PPP1R12B: variants seen among roughly 807,000 people sequenced by gnomAD.
PPP1R12B encodes the protein myosin phosphatase target subunit 2.
In PPP1R12B, 76 loss-of-function variants were observed where a neutral mutation model predicts 126.1. The observed-to-expected ratio is 0.60, with a 90% CI of 0.50 to 0.73. The LOEUF (loss-of-function observed/expected upper bound fraction) is 0.73, where lower values mean the gene tolerates loss of function less well. PPP1R12B is among the 30% of genes least tolerant of loss of function. The probability of loss-of-function intolerance (pLI) is 0.00; values close to 1 mark genes in which losing one functional copy is unlikely to be tolerated. For synonymous variants in PPP1R12B, 356 were observed against 434.7 expected (o/e 0.82, Z 2.25); for missense variants, 1,052 against 1,205.1 (o/e 0.87, Z 1.88).
intron 13 of PPP1R12B, among the ~76,000 whole-genome samples, chr1:202,452,401 C>A (rs1331403176): frequency 6.6e-6 from 1 of 152,208 alleles, no homozygotes; most frequent in Admixed American, 6.5e-5. Flanking sequence ...AATACGAAAA[C>A]CAGTCAGGCG....
chr1:202,542,756 A>G (rs535418175), intron 18 of PPP1R12B, among the ~76,000 whole-genome samples: 1 of 152,292 alleles, frequency 6.6e-6, no homozygotes, highest in African/African-American at 2.4e-5. Context: ...GGGTCTTTGT[A>G]TTTCTCTAGA....
intron 18 of PPP1R12B, among the ~76,000 whole-genome samples, chr1:202,532,175 G>A (rs568065068): frequency 3.9e-5 from 6 of 152,124 alleles, no homozygotes; most frequent in African/African-American, 7.2e-5. Flanking sequence ...GTAAACTGTC[G>A]TGTCACTGGT....
intron 1 of PPP1R12B, among the ~76,000 whole-genome samples, chr1:202,389,089 A>T (rs1276525696): frequency 1.3e-5 from 2 of 152,162 alleles, no homozygotes; most frequent in East Asian, 3.8e-4. Flanking sequence ...ATACCCCCTA[A>T]CTCTCACCAT....
chr1:202,365,197 T>A (rs1369373009), intron 1 of PPP1R12B, among the ~76,000 whole-genome samples: 1 of 152,140 alleles, frequency 6.6e-6, no homozygotes, highest in African/African-American at 2.4e-5. Flanking sequence ...TGCTTGTAAT[T>A]CCAGCACCTT....
At chr1:202,555,114 C>G (rs1036243410) in intron 18 of PPP1R12B, among the ~76,000 whole-genome samples, 2 of 151,672 alleles carry the variant, frequency 1.3e-5, no homozygotes, top group Non-Finnish European at 2.9e-5. Flanking sequence ...TTATGTCAAC[C>G]TCCTCAGTGA....
intron 1 of PPP1R12B, among the ~76,000 whole-genome samples, chr1:202,378,247 CTTTTTTTTTT>C (rs386369339): frequency 2.1e-5 from 2 of 93,386 alleles, no homozygotes; most frequent in East Asian, 3.7e-4. Context: ...TGTCTTCATT[CTTTTTTTTTT>C]TTTTTTTTTT....
chr1:202,556,790 T>G (rs1435263739), intron 18 of PPP1R12B, among the ~76,000 whole-genome samples: 1 of 152,224 alleles, frequency 6.6e-6, no homozygotes, highest in Non-Finnish European at 1.5e-5. Context: ...CTGCACACAG[T>G]GGGCTGTTAA....
rs532628465 is a variant in PPP1R12B at position 202,359,145 on chromosome 1, AT to A, written c.291+10014del. 8.9e-3 allele frequency among the ~76,000 whole-genome samples: 1,328 copies of A among 148,518 alleles called. 17 individuals are homozygous for A. The highest frequency in any genetic ancestry group is 0.031 in the African/African-American group (1,244 of 40,612). ...TATAGCCAATCCTAGATATCACATA[AT>A]TTTTTTTTTTCTTTTGAGATGGAAT... On this transcript the variant is annotated intron_variant, in intron 1 of 23. Coordinates refer to ENST00000608999, the MANE Select transcript of PPP1R12B (RefSeq NM_002481.4).
At chr1:202,415,448 G>A (rs562749306) in intron 1 of PPP1R12B, among the ~76,000 whole-genome samples, 1 of 152,296 alleles carries the variant, frequency 6.6e-6, no homozygotes, top group East Asian at 1.9e-4. Context: ...TTTTAGCCTT[G>A]TTTTTTAAAG....
intron 18 of PPP1R12B, among the ~76,000 whole-genome samples, chr1:202,533,571 A>G (rs1032378724): frequency 6.6e-6 from 1 of 152,042 alleles, no homozygotes; most frequent in Non-Finnish European, 1.5e-5. Context: ...TGCTCTCCTT[A>G]GCCTCCCAAA....
chr1:202,525,666 G>A (rs1292655812), intron 18 of PPP1R12B, among the ~76,000 whole-genome samples: 1 of 150,624 alleles, frequency 6.6e-6, no homozygotes, highest in Admixed American at 6.6e-5. Flanking sequence ...CAAGGAAATG[G>A]AGTGGCAGCT....
intron 18 of PPP1R12B, chr1:202,558,608 C>T (rs773242315): frequency 1.7e-5 from 6 of 360,378 alleles, no homozygotes; most frequent in Non-Finnish European, 2.5e-5. Flanking sequence ...TTACATTTTG[C>T]TAACTTCTAG....
At chr1:202,555,325 G>GAAAAAAAAAAAAAAAAAAAA (rs56752885) in intron 18 of PPP1R12B, among the ~76,000 whole-genome samples, 1 of 25,340 alleles carries the variant, frequency 3.9e-5, no homozygotes, top group Admixed American at 8.7e-4. Flanking sequence ...CTGTTTTAAT[G>GAAAAAAAAAAAAAAAAAAAA]AAAAAAAAAA....
intron 19 of PPP1R12B, chr1:202,562,543 C>T: frequency 1.5e-6 from 1 of 658,918 alleles, no homozygotes; most frequent in Non-Finnish European, 2.8e-6. Flanking sequence ...ACTAATTTTT[C>T]AATAAGCTTC....
At chr1:202,454,399 A>G (rs1673361118) in intron 13 of PPP1R12B, among the ~76,000 whole-genome samples, 2 of 152,218 alleles carry the variant, frequency 1.3e-5, no homozygotes, top group African/African-American at 4.8e-5. Context: ...GGACTCATTC[A>G]CTGGATATGT....
chr1:202,431,557 C>T lies in PPP1R12B; in HGVS notation c.1079C>T (p.Ser360Phe). 1 of 1,613,336 alleles carries T rather than the reference C, an allele frequency of 6.2e-7. No individual in the cohort carries two copies. ...GAAGAAAATAAAGAATCTAGTAGCT[C>T]CAGCTCAGAGGAGGAGGAAGGTGAA... ...MEEENKESSS[S>F]SSEEEEGEDE... The change falls in exon 8 of 24, where the codon TCC becomes TTC. Residue 360 changes from serine (S) to phenylalanine (F), a missense_variant. Transcript: ENST00000608999.
At chr1:202,393,708 AAATGGGGG>A (rs1294982612) in intron 1 of PPP1R12B, among the ~76,000 whole-genome samples, 1 of 152,212 alleles carries the variant, frequency 6.6e-6, no homozygotes, top group East Asian at 1.9e-4. Flanking sequence ...AAATTTATAT[AAATGGGGG>A]AATGGTTAGA....
At chr1:202,463,411 G>C (rs1225644883) in intron 13 of PPP1R12B, among the ~76,000 whole-genome samples, 4 of 152,138 alleles carry the variant, frequency 2.6e-5, no homozygotes, top group Admixed American at 6.6e-5. Flanking sequence ...TCTTAAGTTG[G>C]ATAGTAAGAC....
At chr1:202,365,962 C>T (rs937577205) in intron 1 of PPP1R12B, among the ~76,000 whole-genome samples, 1 of 152,080 alleles carries the variant, frequency 6.6e-6, no homozygotes, top group Non-Finnish European at 1.5e-5. Context: ...TGCACTCCAG[C>T]CTGGGTGACC....
Sources: allele counts gnomAD v4.1 joint callset (sites outside exome capture counted in the v4.1 genomes callset), GRCh38; gene constraint gnomAD v4.1.1; transcripts MANE v1.5; gene names NCBI Gene and HGNC (gene_info 2026-07-23, HGNC 2026-07-21).